Variants in NAV2 observed in about 807,000 individuals in gnomAD.
NAV2 encodes neuron navigator 2.
In NAV2, 54 loss-of-function variants were observed where a neutral mutation model predicts 223.2. That is an observed-to-expected ratio of 0.24 (90% CI 0.19 to 0.30). The LOEUF (loss-of-function observed/expected upper bound fraction) is 0.30. Ranked by LOEUF, NAV2 falls within the 10% of genes least tolerant of loss-of-function variation. The pLI is 1.00. For missense variants in NAV2, 2,806 were observed against 3,147.5 expected, an observed-to-expected ratio of 0.89 and a Z score of 2.60; for synonymous variants, 1,279 against 1,239.3, an observed-to-expected ratio of 1.03 and a Z score of -0.67.
At chr11:20,094,054 G>A (rs1592115821) in intron 29 of NAV2, among the ~76,000 whole-genome samples, 1 of 152,158 alleles carries the variant, frequency 6.6e-6, no homozygotes, top group Admixed American at 6.5e-5. Context: ...AGGGGATTCA[G>A]CTTTGCGGCT....
intron 2 of NAV2, among the ~76,000 whole-genome samples, chr11:19,838,400 GA>G (rs988367881): frequency 1.5e-4 from 23 of 152,264 alleles, no homozygotes; most frequent in African/African-American, 5.3e-4. Context: ...ATTAAAGTGA[GA>G]CAGGCAAAGC....
At chr11:19,544,094 G>A (rs1481697390) in intron 1 of NAV2, among the ~76,000 whole-genome samples, 1 of 152,086 alleles carries the variant, frequency 6.6e-6, no homozygotes, top group Non-Finnish European at 1.5e-5. Context: ...TACTGTGCCT[G>A]GCACATAGTA....
intron 1 of NAV2, among the ~76,000 whole-genome samples, chr11:19,402,760 G>A (rs1849739562): frequency 6.6e-6 from 1 of 152,182 alleles, no homozygotes; most frequent in Admixed American, 6.5e-5. Context: ...CTCCATGTGA[G>A]CATTGCTCAC....
intron 1 of NAV2, among the ~76,000 whole-genome samples, chr11:19,485,784 G>A (rs909259551): frequency 6.6e-6 from 1 of 152,060 alleles, no homozygotes; most frequent in African/African-American, 2.4e-5. Flanking sequence ...GAGACCAGGG[G>A]ATGGATCCGA....
rs1234142986 is a variant in NAV2 at position 19,517,453 on chromosome 11, GC to G, written c.75+166431del. Among the ~76,000 whole-genome samples, 8 of 152,154 alleles carry G rather than the reference GC, an allele frequency of 5.3e-5. No individual in the cohort carries two copies. In the East Asian group the frequency reaches 1.5e-3, roughly 29 times the overall value. ...ACTTTTGGGCGGATTAAGTAAAACT[GC>G]CCCCAAATTGCCCATCTGTACCTGG... is the stretch of plus-strand genomic sequence containing the variant. On this transcript the variant is annotated intron_variant, in intron 1 of 37. Transcript: ENST00000360655.
chr11:19,574,764 A>G (rs1187160741), intron 1 of NAV2, among the ~76,000 whole-genome samples: 1 of 152,176 alleles, frequency 6.6e-6, no homozygotes. Flanking sequence ...AAGAAAATAA[A>G]CTCTTTGAAA....
chr11:19,404,452 G>A (rs750532475), intron 1 of NAV2, among the ~76,000 whole-genome samples: 2 of 152,206 alleles, frequency 1.3e-5, no homozygotes, highest in Non-Finnish European at 2.9e-5. Flanking sequence ...CCTGAATTGA[G>A]TTGTGGGTGG....
At chr11:19,495,956 G>A (rs947304928) in intron 1 of NAV2, among the ~76,000 whole-genome samples, 9 of 152,108 alleles carry the variant, frequency 5.9e-5, no homozygotes, top group African/African-American at 2.2e-4. Context: ...GTCTAAGGGA[G>A]GCTAATGTTG....
chr11:19,653,197 T>C (rs1374970465), intron 1 of NAV2, among the ~76,000 whole-genome samples: 1 of 152,230 alleles, frequency 6.6e-6, no homozygotes, highest in Non-Finnish European at 1.5e-5. Context: ...GATGTGGCTG[T>C]GTTTCTTTAA....
At chr11:19,995,344 G>A (rs1382975835) in intron 11 of NAV2, among the ~76,000 whole-genome samples, 1 of 152,190 alleles carries the variant, frequency 6.6e-6, no homozygotes, top group Non-Finnish European at 1.5e-5. Context: ...TCATTTGATG[G>A]TATTTCAGTT....
rs535954253 is a variant in NAV2, at chr11:19,900,275, A to T, written c.931+7681A>T. 2.0e-3 allele frequency among the ~76,000 whole-genome samples: 117 copies of T among 59,334 alleles called. 2 individuals are homozygous for T. The East Asian group carries it at 0.041, about 21-fold the overall frequency. 38.9% of individuals were successfully genotyped at this position (59,334 alleles called of 152,430 possible). ...GGACTTCACAGATCACTGGAGGAAT[A>T]AACAAGAAGTTGTATCAAAGTCTCG... On this transcript the variant is annotated intron_variant, in intron 6 of 37. Transcript: ENST00000349880.
intron 1 of NAV2, among the ~76,000 whole-genome samples, chr11:19,424,013 T>G (rs1191251528): frequency 6.6e-6 from 1 of 152,188 alleles, no homozygotes; most frequent in Non-Finnish European, 1.5e-5. Context: ...GGGTCCCCAT[T>G]TCCTTTGAAA....
In NAV2 at chr11:20,105,738, G is replaced by T; in HGVS notation, c.6841+11G>T. The T allele has an allele frequency of 6.2e-7, 1 of 1,607,882 alleles. No homozygotes were observed. The highest frequency in any genetic ancestry group is 1.1e-5 in the South Asian group (1 of 90,556). On this transcript the variant is annotated intron_variant, in intron 35 of 37. Coordinates refer to ENST00000349880, the MANE Select transcript of NAV2 (RefSeq NM_145117.5). Reference sequence around the variant, plus strand: ...CGGACGTCACCATCGGTGGGTGGGAGACTGGGGTCAGGGGGGCGGGCTGGC... The same window carrying T: ...CGGACGTCACCATCGGTGGGTGGGATACTGGGGTCAGGGGGGCGGGCTGGC...
chr11:19,915,763 T>C (rs560687299), intron 6 of NAV2, among the ~76,000 whole-genome samples: 2 of 152,382 alleles, frequency 1.3e-5, no homozygotes, highest in South Asian at 4.1e-4. Context: ...TGGTCCTTCA[T>C]GAGCAGGTTA....
intron 1 of NAV2, among the ~76,000 whole-genome samples, chr11:19,579,084 G>C (rs1054201522): frequency 6.6e-6 from 1 of 152,164 alleles, no homozygotes; most frequent in Admixed American, 6.5e-5. Context: ...AAGAATAAAA[G>C]CCATATGATG....
chr11:20,069,276 A>C (rs1032105350), intron 22 of NAV2, among the ~76,000 whole-genome samples: 3 of 152,160 alleles, frequency 2.0e-5, no homozygotes, highest in African/African-American at 4.8e-5. Context: ...TTGAACTCTC[A>C]GTAGGTGGGT....
chr11:19,880,170 C>T (rs926934364), intron 5 of NAV2, 43 bp downstream of exon 5: 8 of 1,510,926 alleles, frequency 5.3e-6, no homozygotes, highest in African/African-American at 4.2e-5. Flanking sequence ...TTTCAGGCAC[C>T]TTCCTCCACC....
chr11:19,416,068 C>G (rs1418462161), intron 1 of NAV2, among the ~76,000 whole-genome samples: 4 of 152,122 alleles, frequency 2.6e-5, no homozygotes, highest in African/African-American at 9.7e-5. Flanking sequence ...GACTCCTATT[C>G]AACATATTAT....
intron 11 of NAV2, among the ~76,000 whole-genome samples, chr11:19,987,953 T>G (rs2050945611): frequency 6.6e-6 from 1 of 152,146 alleles, no homozygotes; most frequent in Non-Finnish European, 1.5e-5. Context: ...ACTGGCAGAC[T>G]GGGAAGAAGA....
Sources: allele counts gnomAD v4.1 joint callset (sites outside exome capture counted in the v4.1 genomes callset), GRCh38; gene constraint gnomAD v4.1.1; transcripts MANE v1.5; gene names NCBI Gene and HGNC (gene_info 2026-07-23, HGNC 2026-07-21).